ITGA2: variants seen among roughly 807,000 people sequenced by gnomAD.
The protein encoded by ITGA2 is integrin subunit alpha 2, also known as integrin alpha-2.
ITGA2 carries 101 observed loss-of-function variants against 146.3 expected under a neutral mutation model. That is an observed-to-expected ratio of 0.69 (90% CI 0.59 to 0.81). The LOEUF is 0.81. Among genes scored for constraint, ITGA2 ranks in the 40% least tolerant of loss-of-function variants. The pLI is 0.00. For synonymous variants in ITGA2, 477 were observed against 487.1 expected (o/e 0.98, Z 0.27); for missense variants, 1,281 against 1,402.7 (o/e 0.91, Z 1.39).
chr5:53,006,558 T>C (rs1741863525), intron 1 of ITGA2, among the ~76,000 whole-genome samples: 1 of 152,210 alleles, frequency 6.6e-6, no homozygotes, highest in African/African-American at 2.4e-5. Context: ...CCGTAACTTA[T>C]TGTTAGGTGG....
At chr5:53,030,939 C>A (rs1003601450) in intron 2 of ITGA2, among the ~76,000 whole-genome samples, 1 of 152,226 alleles carries the variant, frequency 6.6e-6, no homozygotes, top group African/African-American at 2.4e-5. Context: ...GCCAAGGTAC[C>A]TTGCCACAGA....
chr5:53,073,409 G>A, intron 20 of ITGA2, 150 bp downstream of exon 20: 1 of 880,582 alleles, frequency 1.1e-6, no homozygotes, highest in South Asian at 1.4e-5. Flanking sequence ...TAAACTGCAT[G>A]AGAACATAGT....
Position 53,090,761 on chromosome 5 carries a change from A to C in ITGA2, c.*162A>C. On this transcript the variant is annotated 3_prime_UTR_variant, in exon 30 of 30. Coordinates refer to ENST00000296585, the MANE Select transcript of ITGA2 (RefSeq NM_002203.4). Reference sequence around the variant, plus strand: ...CTGCAGGTCAGTTTGGAATGAAGAAATTGTGGGGGGTGGGGGAGGTGCGGG... The same window carrying C: ...CTGCAGGTCAGTTTGGAATGAAGAACTTGTGGGGGGTGGGGGAGGTGCGGG... 1.2e-5 allele frequency: 3 copies of C among 242,668 alleles called. No individual in the cohort carries two copies. The highest frequency in any genetic ancestry group is 5.5e-5 in the Admixed American group (1 of 18,330). The allele number at this position is 242,668 out of a possible 1,614,324, so 15.0% of individuals were successfully genotyped here. A position where few individuals can be genotyped will look rare whatever the true frequency, so the allele number is the denominator to read the frequency against.
At position 53,090,978 on chromosome 5, in the gene ITGA2, TTAAAA is replaced by T; in HGVS notation, c.*382_*386del. 2.1e-6 allele frequency: 1 copy of T among 481,702 alleles called. No individual in the cohort carries two copies. Among genetic ancestry groups the T allele is most frequent in the Non-Finnish European group, 3.6e-6 (1 of 274,052 alleles). The allele number at this position is 481,702 out of a possible 1,614,324, so 29.8% of individuals were successfully genotyped here. A position where few individuals can be genotyped will look rare whatever the true frequency, so the allele number is the denominator to read the frequency against. On this transcript the variant is annotated 3_prime_UTR_variant, in exon 30 of 30. Coordinates refer to ENST00000296585, the MANE Select transcript of ITGA2 (RefSeq NM_002203.4). ...ATTTTAAGGGGGAAAACTGTTCTCTTTAAAATATTTGTCTTTAAACAGCAACTACA... is the reference window on the plus strand; with the variant it reads ...ATTTTAAGGGGGAAAACTGTTCTCTTTATTTGTCTTTAAACAGCAACTACA...
At chr5:53,022,767 T>G (rs1434550996) in intron 1 of ITGA2, among the ~76,000 whole-genome samples, 2 of 152,192 alleles carry the variant, frequency 1.3e-5, no homozygotes, top group East Asian at 3.9e-4. Context: ...GGTCTCATTG[T>G]GCTGCCAAGG....
At chr5:53,085,058 A>C (rs552302285) in intron 27 of ITGA2, among the ~76,000 whole-genome samples, 1 of 152,346 alleles carries the variant, frequency 6.6e-6, no homozygotes, top group Non-Finnish European at 1.5e-5. Flanking sequence ...GTCAAGTCCT[A>C]CATATCTTCC....
rs143143508 is a variant in ITGA2 at position 52,992,834 on chromosome 5, G to GGTAC, written c.64+3303_64+3306dup. The stretch of plus-strand genomic sequence containing the variant: ...CCAATTTCTTGGCATGTCATAAAAA[G>GGTAC]GTACATTCTACCTATCCAATCTTTT... On this transcript the variant is annotated intron_variant, in intron 1 of 29. Transcript: ENST00000296585. 6.2e-3 allele frequency among the ~76,000 whole-genome samples: 948 copies of GGTAC among 152,064 alleles called. 9 individuals are homozygous for GGTAC. The highest frequency in any genetic ancestry group is 0.022 in the African/African-American group (903 of 41,464).
chr5:53,019,221 G>T (rs890187489), intron 1 of ITGA2, among the ~76,000 whole-genome samples: 2 of 152,002 alleles, frequency 1.3e-5, no homozygotes, highest in African/African-American at 2.4e-5. Context: ...AAGGATAAAA[G>T]AAGTAATTCA....
chr5:53,041,145 T>C (rs997619734), intron 2 of ITGA2, among the ~76,000 whole-genome samples: 8 of 152,108 alleles, frequency 5.3e-5, no homozygotes, highest in African/African-American at 1.4e-4. Flanking sequence ...GAAGCAAATA[T>C]GCTTCCGTAT....
chr5:53,045,591 A>G (rs545557839), intron 4 of ITGA2, among the ~76,000 whole-genome samples: 1 of 152,322 alleles, frequency 6.6e-6, no homozygotes, highest in South Asian at 2.1e-4. Flanking sequence ...AGAATGCCTT[A>G]TTTAACAAGT....
At chr5:53,011,881 G>C (rs182315460) in intron 1 of ITGA2, among the ~76,000 whole-genome samples, 56 of 152,222 alleles carry the variant, frequency 3.7e-4, no homozygotes, top group Non-Finnish European at 6.5e-4. Context: ...CATGCATCCA[G>C]ACATCAAAGT....
At chr5:53,055,474 C>T in intron 7 of ITGA2, 64 bp from the exon 8 acceptor site, 1 of 1,463,088 alleles carries the variant, frequency 6.8e-7, no homozygotes. Flanking sequence ...TATTTTAAAC[C>T]AGAGGTTCTC....
intron 1 of ITGA2, among the ~76,000 whole-genome samples, chr5:53,024,538 G>A (rs917612727): frequency 3.3e-5 from 5 of 152,322 alleles, no homozygotes; most frequent in Admixed American, 3.3e-4. Flanking sequence ...AGTAGGCACA[G>A]ACAAAAGAAT....
At chr5:53,016,605 G>A (rs866916160) in intron 1 of ITGA2, among the ~76,000 whole-genome samples, 1 of 152,138 alleles carries the variant, frequency 6.6e-6, no homozygotes, top group African/African-American at 2.4e-5. Context: ...GGGGTTCTCT[G>A]CATTTCCTGA....
chr5:53,080,631 A>T lies in ITGA2; in HGVS notation c.3039+10A>T, dbSNP rs544483472. The T allele has an allele frequency of 1.4e-5, 23 of 1,587,122 alleles. No individual in the cohort carries two copies. Among genetic ancestry groups the T allele is most frequent in the East Asian group, 2.2e-5 (1 of 44,716 alleles). The stretch of plus-strand genomic sequence containing the variant: ...GGTGCAAACAGACAAGGTAAAGATT[A>T]AAAAATTGCCTAAAAATGTGTACTT... On this transcript the variant is annotated intron_variant, in intron 25 of 29. Coordinates refer to ENST00000296585, the MANE Select transcript of ITGA2 (RefSeq NM_002203.4).
intron 19 of ITGA2, 65 bp downstream of exon 19, chr5:53,072,760 C>G: frequency 7.8e-7 from 1 of 1,284,870 alleles, no homozygotes; most frequent in Admixed American, 1.8e-5. Flanking sequence ...TTACTTTATT[C>G]AAACGAATGT....
At chr5:53,058,713 T>A (rs941120547) in intron 10 of ITGA2, among the ~76,000 whole-genome samples, 2 of 151,768 alleles carry the variant, frequency 1.3e-5, no homozygotes, top group African/African-American at 4.8e-5. Flanking sequence ...TGGGAATTAT[T>A]TAAGGAACAG....
intron 1 of ITGA2, among the ~76,000 whole-genome samples, chr5:53,013,727 C>T (rs1331121965): frequency 6.6e-6 from 1 of 152,114 alleles, no homozygotes; most frequent in Admixed American, 6.5e-5. Flanking sequence ...TTGATTCTTC[C>T]TAGCCACAAG....
chr5:53,006,655 T>C (rs2111723205), intron 1 of ITGA2, among the ~76,000 whole-genome samples: 1 of 152,292 alleles, frequency 6.6e-6, no homozygotes, highest in East Asian at 1.9e-4. Flanking sequence ...GGGGAATATA[T>C]CAGTGAACAA....
Sources: allele counts gnomAD v4.1 joint callset (sites outside exome capture counted in the v4.1 genomes callset), GRCh38; gene constraint gnomAD v4.1.1; transcripts MANE v1.5; gene names NCBI Gene and HGNC (gene_info 2026-07-23, HGNC 2026-07-21).